The following DTD1 variants were observed in gnomAD, a reference collection of about 807,000 sequenced individuals.
DTD1 encodes D-tyrosyl-tRNA deacylase 1 homolog.
DTD1 carries 13 observed loss-of-function variants against 25.6 expected under a neutral mutation model. The ratio of observed to expected loss-of-function variants is 0.51; its 90% CI spans 0.33 to 0.81. The LOEUF is 0.81. DTD1 is among the 30% of genes least tolerant of loss of function. The pLI is 0.02. For synonymous variants in DTD1, 110 were observed against 103.6 expected (o/e 1.06, Z -0.37); for missense variants, 193 against 266.4 (o/e 0.72, Z 1.92).
chr20:18,638,075 G>A (rs760725605), intron 4 of DTD1, among the ~76,000 whole-genome samples: 12 of 152,176 alleles, frequency 7.9e-5, no homozygotes, highest in Non-Finnish European at 1.6e-4. Flanking sequence ...TTTCGTAGTG[G>A]TAATGCCCTT....
intron 4 of DTD1, among the ~76,000 whole-genome samples, chr20:18,711,688 G>A (rs923964766): frequency 6.6e-6 from 1 of 152,134 alleles, no homozygotes; most frequent in Non-Finnish European, 1.5e-5. Context: ...GTCAAGGGCG[G>A]TATCTGGGTT....
chr20:18,651,723 A>C (rs574040178), intron 4 of DTD1, among the ~76,000 whole-genome samples: 1 of 152,174 alleles, frequency 6.6e-6, no homozygotes, highest in Admixed American at 6.5e-5. Flanking sequence ...AGACTTTTCA[A>C]AGCTCTCCAG....
chr20:18,718,798 T>G (rs2061191655), intron 4 of DTD1, among the ~76,000 whole-genome samples: 2 of 152,228 alleles, frequency 1.3e-5, no homozygotes, highest in African/African-American at 4.8e-5. Context: ...CTCTCTAAGT[T>G]AAGGAGAACT....
intron 4 of DTD1, among the ~76,000 whole-genome samples, chr20:18,708,837 C>T (rs544304330): frequency 2.0e-5 from 3 of 152,158 alleles, no homozygotes; most frequent in Non-Finnish European, 2.9e-5. Flanking sequence ...CACCTGCCCC[C>T]GTGGTGGCAG....
At chr20:18,643,717 T>A (rs1236744149) in intron 4 of DTD1, 1 of 152,262 alleles carries the variant, frequency 6.6e-6, no homozygotes, top group African/African-American at 2.4e-5. Flanking sequence ...TTAGCGTCCT[T>A]CATTCTGGAT....
intron 4 of DTD1, among the ~76,000 whole-genome samples, chr20:18,633,539 G>A (rs965650962): frequency 6.6e-6 from 1 of 152,146 alleles, no homozygotes; most frequent in Non-Finnish European, 1.5e-5. Context: ...TGGGTGGGAG[G>A]GGTGGTGTTT....
At chr20:18,597,104 A>C (rs2060615030) in intron 3 of DTD1, among the ~76,000 whole-genome samples, 1 of 151,186 alleles carries the variant, frequency 6.6e-6, no homozygotes, top group Non-Finnish European at 1.5e-5. Flanking sequence ...CTTCTCAATA[A>C]GCTTTTTTGA....
At chr20:18,677,391 AG>A (rs1367604685) in intron 4 of DTD1, among the ~76,000 whole-genome samples, 2 of 151,872 alleles carry the variant, frequency 1.3e-5, no homozygotes, top group Admixed American at 6.6e-5. Context: ...AGATGCTCCT[AG>A]TTTATGTTGC....
intron 4 of DTD1, among the ~76,000 whole-genome samples, chr20:18,713,452 C>G (rs1271269902): frequency 6.6e-6 from 1 of 152,172 alleles, no homozygotes; most frequent in Non-Finnish European, 1.5e-5. Flanking sequence ...TAGAAATATT[C>G]CACCCTGGAA....
At chr20:18,717,996 C>T (rs1295959755) in intron 4 of DTD1, among the ~76,000 whole-genome samples, 1 of 152,128 alleles carries the variant, frequency 6.6e-6, no homozygotes, top group Middle Eastern at 3.2e-3. Flanking sequence ...TGGGCTCTGT[C>T]TGGGTTCAAA....
chr20:18,607,956 C>T lies in DTD1; in HGVS notation c.370+11715C>T, dbSNP rs570763387. 6.9e-4 allele frequency among the ~76,000 whole-genome samples: 105 copies of T among 152,244 alleles called. 2 individuals carry two copies. The highest frequency in any genetic ancestry group is 6.5e-3 in the Admixed American group (100 of 15,292). On this transcript the variant is annotated intron_variant, in intron 3 of 5. Transcript: ENST00000377452. ...CTCAAACTCCTGACCTCAGGTGATG[C>T]ACCTGCCTCAGCCTCTCAAAGTGCT...
At chr20:18,664,686 G>A (rs1375950663) in intron 4 of DTD1, among the ~76,000 whole-genome samples, 1 of 152,186 alleles carries the variant, frequency 6.6e-6, no homozygotes, top group East Asian at 1.9e-4. Flanking sequence ...AGTTTTGGAA[G>A]CCTTGGAAAA....
chr20:18,597,204 G>C (rs2060615747), intron 3 of DTD1, among the ~76,000 whole-genome samples: 1 of 149,076 alleles, frequency 6.7e-6, no homozygotes, highest in Non-Finnish European at 1.5e-5. Flanking sequence ...TGTGTGTATA[G>C]AGAGAAGGAG....
intron 4 of DTD1, among the ~76,000 whole-genome samples, chr20:18,729,804 C>T (rs1455521199): frequency 6.6e-6 from 1 of 152,228 alleles, no homozygotes; most frequent in Non-Finnish European, 1.5e-5. Context: ...CTTCCTGCCT[C>T]CTCCCTGCAT....
At chr20:18,761,209 C>A (rs978299582) in intron 5 of DTD1, among the ~76,000 whole-genome samples, 1 of 151,832 alleles carries the variant, frequency 6.6e-6, no homozygotes, top group Admixed American at 6.6e-5. Flanking sequence ...TCGCCCTGCT[C>A]GGTGTGCTGC....
intron 3 of DTD1, among the ~76,000 whole-genome samples, chr20:18,608,381 TAA>T (rs56197061): frequency 6.8e-6 from 1 of 147,104 alleles, no homozygotes; most frequent in African/African-American, 2.5e-5. Flanking sequence ...TTTTTTTTTT[TAA>T]AAAGTTTATA....
intron 4 of DTD1, chr20:18,632,571 A>G (rs886634957): frequency 1.0e-6 from 1 of 985,296 alleles, no homozygotes; most frequent in African/African-American, 1.7e-5. Context: ...ATAGATAAAC[A>G]CGTGTTTCTA....
chr20:18,631,892 T>A (rs1600332358), intron 4 of DTD1: 42 of 985,048 alleles, frequency 4.3e-5, no homozygotes, highest in Admixed American at 6.1e-5. Flanking sequence ...TTCACCTTTC[T>A]TTCAACCAGT....
rs1307507657 is a variant in DTD1 at position 18,749,285 on chromosome 20, A to G, written c.*19+5014A>G. Among the ~76,000 whole-genome samples the G allele has an allele frequency of 6.6e-6, 1 of 152,214 alleles. No homozygotes were observed. The highest frequency in any genetic ancestry group is 1.5e-5 in the Non-Finnish European group (1 of 68,038). On this transcript the variant is annotated intron_variant, in intron 5 of 5. Coordinates refer to ENST00000377452, the MANE Select transcript of DTD1 (RefSeq NM_080820.6). This position sits in a 1 kb window ranked among gnomAD's most constrained non-coding sequence, Gnocchi z 4.2. ...GCAGCTGCAGCCCAGTGAGGTAGCA[A>G]GACACGGTCAGGCCTCAGGGCCTGT...
Sources: gnomAD v4.1 joint callset for allele counts (sites outside exome capture counted in the v4.1 genomes callset) on GRCh38, gnomAD v4.1.1 for gene constraint, Gnocchi (gnomAD v3.1) non-coding constraint, MANE v1.5 for transcripts, NCBI Gene and HGNC (gene_info 2026-07-23, HGNC 2026-07-21) for gene names.